The following MMRN1 variants were observed in gnomAD, a reference collection of about 807,000 sequenced individuals.
MMRN1 encodes the protein multimerin 1, also known as multimerin-1.
A neutral mutation model predicts 100.7 loss-of-function variants in MMRN1; 94 were observed. The ratio of observed to expected loss-of-function variants is 0.93; its 90% CI spans 0.79 to 1.11. MMRN1 has a LOEUF of 1.11. MMRN1 is among the 50% of genes least tolerant of loss of function. The pLI is 0.00. For missense variants in MMRN1, 1,606 were observed against 1,439.1 expected, an observed-to-expected ratio of 1.12 and a Z score of -1.88; for synonymous variants, 575 against 505.0, an observed-to-expected ratio of 1.14 and a Z score of -1.86.
In MMRN1 at chr4:89,912,055, A is replaced by T. The variant is rs779499418; in HGVS notation, c.850+5A>T. On this transcript the variant is annotated splice_donor_5th_base_variant and intron_variant, in intron 3 of 7. Transcript: ENST00000264790. The stretch of plus-strand genomic sequence containing the variant: ...GGCCGAAATGTCAACTAAGAGGTAC[A>T]CTCTAATATTAATAATCACAATTCT... The T allele has an allele frequency of 1.3e-6, 2 of 1,535,454 alleles. 1 individual carries two copies. The highest frequency in any genetic ancestry group is 2.4e-5 in the South Asian group (2 of 84,448).
rs368992681 is a variant in MMRN1, at chr4:89,910,666, A to G, written c.743+1271A>G. ...TTCCAAATTGCTTTGCTTCCTACTT[A>G]GCTTTAACTATGAGAGTGCAGATAG... On this transcript the variant is annotated intron_variant, in intron 2 of 7. Coordinates refer to ENST00000264790, the MANE Select transcript of MMRN1 (RefSeq NM_007351.3). Among the ~76,000 whole-genome samples, 81 of 151,520 alleles carry G rather than the reference A, an allele frequency of 5.3e-4. 1 individual carries two copies. In the South Asian group the frequency reaches 0.016, roughly 29 times the overall value.
chr4:89,931,276 A>G (rs1722424205), intron 5 of MMRN1, among the ~76,000 whole-genome samples: 1 of 152,184 alleles, frequency 6.6e-6, no homozygotes, highest in African/African-American at 2.4e-5. Flanking sequence ...AAGATGCTCA[A>G]ACAATACATC....
intron 6 of MMRN1, among the ~76,000 whole-genome samples, chr4:89,942,721 CAA>C (rs1464489569): frequency 1.3e-5 from 2 of 151,964 alleles, no homozygotes; most frequent in East Asian, 1.9e-4. Flanking sequence ...AATCTAAACT[CAA>C]GTGTCTTTAC....
chr4:89,950,180 C>G (rs771601030), intron 6 of MMRN1, among the ~76,000 whole-genome samples: 1 of 152,140 alleles, frequency 6.6e-6, no homozygotes, highest in South Asian at 2.1e-4. Context: ...CTACCTCATT[C>G]TTTAATTGCT....
chr4:89,910,873 G>A (rs546254577), intron 2 of MMRN1, among the ~76,000 whole-genome samples: 25 of 151,426 alleles, frequency 1.7e-4, no homozygotes, highest in African/African-American at 5.5e-4. Context: ...CTGTTATAAT[G>A]CTATTGCTCC....
intron 1 of MMRN1, among the ~76,000 whole-genome samples, chr4:89,905,885 A>G (rs1454536787): frequency 6.6e-6 from 1 of 151,582 alleles, no homozygotes; most frequent in Non-Finnish European, 1.5e-5. Flanking sequence ...TTAAAGCCAC[A>G]GTTTATTAAT....
intron 6 of MMRN1, among the ~76,000 whole-genome samples, chr4:89,946,508 G>A (rs1257413641): frequency 6.6e-6 from 1 of 152,164 alleles, no homozygotes; most frequent in African/African-American, 2.4e-5. Flanking sequence ...TAAGAATACA[G>A]TAGAAATCAT....
rs761937965 is a variant in MMRN1 at position 89,935,028 on chromosome 4, C to T, written c.1348C>T (p.Arg450Trp). The change falls in exon 6 of 8, where the codon CGG becomes TGG. Residue 450 changes from arginine to tryptophan, a missense_variant. Transcript: ENST00000264790. ...QQKFVLVQEN[R>W]PTLTDIVELR... is the part of the protein sequence containing the mutation. ...AAAGTTTGTTTTGGTGCAAGAGAAT[C>T]GGCCCACTTTGACTGATATAGTGGA... 25 of 1,612,872 alleles carry T rather than the reference C, an allele frequency of 1.6e-5. No homozygotes were observed. Among genetic ancestry groups the T allele is most frequent in the African/African-American group, 8.0e-5 (6 of 74,860 alleles).
intron 5 of MMRN1, among the ~76,000 whole-genome samples, chr4:89,929,057 C>T (rs1375827115): frequency 6.6e-6 from 1 of 152,066 alleles, no homozygotes; most frequent in East Asian, 1.9e-4. Context: ...GAAAGAGAAA[C>T]CATCTCAATT....
chr4:89,922,916 T>G (rs954767999), intron 3 of MMRN1, among the ~76,000 whole-genome samples: 2 of 152,030 alleles, frequency 1.3e-5, no homozygotes, highest in Non-Finnish European at 2.9e-5. Flanking sequence ...CTACCATCCC[T>G]TTTCACGGAA....
chr4:89,890,595 G>A (rs2110574492), upstream of MMRN1, among the ~76,000 whole-genome samples: 1 of 152,222 alleles, frequency 6.6e-6, no homozygotes, highest in South Asian at 2.1e-4. Context: ...ATTTCCAGAA[G>A]TGGAAGTCAC....
rs12501000 is a variant in MMRN1, at chr4:89,908,163, A to G, written c.624-1113A>G. On this transcript the variant is annotated intron_variant, in intron 1 of 7. Transcript: ENST00000264790. ...ATCCATCCTTCTGTGATGCAGTTTG[A>G]AAATTGTTCCCAGGCACAAAACTAG... 6.6e-5 allele frequency among the ~76,000 whole-genome samples: 10 copies of G among 151,386 alleles called. No homozygotes were observed. The Admixed American group carries it at 6.6e-4, about 10-fold the overall frequency.
intron 3 of MMRN1, among the ~76,000 whole-genome samples, chr4:89,921,170 C>A (rs1030583834): frequency 3.3e-5 from 5 of 151,362 alleles, no homozygotes; most frequent in Admixed American, 2.0e-4. Context: ...TTTTTTTTTC[C>A]TATGATCTAG....
At chr4:89,908,417 A>G (rs183879599) in intron 1 of MMRN1, among the ~76,000 whole-genome samples, 22 of 151,576 alleles carry the variant, frequency 1.5e-4, no homozygotes, top group Admixed American at 4.0e-4. Context: ...AACTCCTTAT[A>G]TCAAGCTAAG....
intron 6 of MMRN1, among the ~76,000 whole-genome samples, chr4:89,938,338 C>T (rs1412635613): frequency 6.6e-6 from 1 of 150,862 alleles, no homozygotes; most frequent in Non-Finnish European, 1.5e-5. Flanking sequence ...CTTAAAATAA[C>T]AATTTTGGGA....
intron 5 of MMRN1, among the ~76,000 whole-genome samples, chr4:89,931,314 C>T (rs1722426158): frequency 6.6e-6 from 1 of 152,118 alleles, no homozygotes; most frequent in Admixed American, 6.5e-5. Context: ...CACTCTTTCA[C>T]ATATTTTTAT....
At chr4:89,918,004 C>A (rs1221452692) in intron 3 of MMRN1, among the ~76,000 whole-genome samples, 1 of 151,720 alleles carries the variant, frequency 6.6e-6, no homozygotes, top group Non-Finnish European at 1.5e-5. Context: ...CCAAATTCAT[C>A]TGGCAGCATA....
chr4:89,951,565 C>T (rs772007091), intron 6 of MMRN1, 40 bp from the exon 7 acceptor site: 1 of 1,429,868 alleles, frequency 7.0e-7, no homozygotes, highest in South Asian at 1.7e-5. Flanking sequence ...GAAAATAGGT[C>T]ACTTTATTCT....
intron 1 of MMRN1, among the ~76,000 whole-genome samples, chr4:89,880,416 A>G (rs943987778): frequency 6.6e-6 from 1 of 152,160 alleles, no homozygotes; most frequent in Non-Finnish European, 1.5e-5. Context: ...AGAGTTAACC[A>G]TTACCTACTA....
Sources: gnomAD v4.1 joint callset for allele counts (sites outside exome capture counted in the v4.1 genomes callset) on GRCh38, gnomAD v4.1.1 for gene constraint, MANE v1.5 for transcripts, NCBI Gene and HGNC (gene_info 2026-07-23, HGNC 2026-07-21) for gene names.